The following NRXN3 variants were observed in gnomAD, a reference collection of about 807,000 sequenced individuals.
NRXN3 encodes neurexin III.
Under a neutral mutation model 137.6 loss-of-function variants are expected in NRXN3, and 32 were observed. The ratio of observed to expected loss-of-function variants is 0.23; its 90% CI spans 0.18 to 0.31. The LOEUF (loss-of-function observed/expected upper bound fraction) is 0.31. Among genes scored for constraint, NRXN3 ranks in the 10% least tolerant of loss-of-function variants. NRXN3 has a pLI of 1.00. For synonymous variants in NRXN3, 798 were observed against 784.5 expected (o/e 1.02, Z -0.29); for missense variants, 1,574 against 2,062.5 (o/e 0.76, Z 4.59).
chr14:79,569,781 G>C (rs2097582678), intron 16 of NRXN3, among the ~76,000 whole-genome samples: 1 of 151,998 alleles, frequency 6.6e-6, no homozygotes, highest in Non-Finnish European at 1.5e-5. Context: ...GCTAATTTTT[G>C]TATTTTTTGT....
At chr14:78,183,450 C>T (rs920865854) in intron 1 of NRXN3, among the ~76,000 whole-genome samples, 33 of 152,140 alleles carry the variant, frequency 2.2e-4, no homozygotes, top group African/African-American at 6.8e-4. Flanking sequence ...GGAAGAAGTA[C>T]AGGGACTTAG....
At chr14:78,643,079 G>T (rs191296539) in intron 4 of NRXN3, among the ~76,000 whole-genome samples, 243 of 152,314 alleles carry the variant, frequency 1.6e-3, no homozygotes, top group African/African-American at 5.6e-3. Flanking sequence ...AGCTGAGGCT[G>T]ATGTTTTAAT....
chr14:78,917,311 A>T (rs1313410155), intron 10 of NRXN3, among the ~76,000 whole-genome samples: 2 of 152,184 alleles, frequency 1.3e-5, no homozygotes, highest in Non-Finnish European at 2.9e-5. Flanking sequence ...TTACTTCAGG[A>T]GGGATGGTAG....
intron 1 of NRXN3, among the ~76,000 whole-genome samples, chr14:78,178,871 C>A (rs2059514981): frequency 1.3e-5 from 2 of 152,268 alleles, no homozygotes; most frequent in South Asian, 4.1e-4. Context: ...GGAATTGGAT[C>A]ATCTAAAACT....
chr14:79,358,380 C>T (rs1341880953), intron 15 of NRXN3, among the ~76,000 whole-genome samples: 1 of 151,406 alleles, frequency 6.6e-6, no homozygotes, highest in Admixed American at 6.6e-5. Flanking sequence ...ACTATCCTGG[C>T]TAACATGGTG....
chr14:79,166,327 A>G (rs1482922621), intron 15 of NRXN3, among the ~76,000 whole-genome samples: 1 of 151,770 alleles, frequency 6.6e-6, no homozygotes, highest in Non-Finnish European at 1.5e-5. Flanking sequence ...TTAATCACTG[A>G]CACATCCATC....
intron 16 of NRXN3, among the ~76,000 whole-genome samples, chr14:79,544,514 T>G (rs1026725306): frequency 2.6e-5 from 4 of 152,190 alleles, no homozygotes; most frequent in Non-Finnish European, 5.9e-5. Context: ...ATGCCATTTC[T>G]GTTGGATGAG....
intron 16 of NRXN3, among the ~76,000 whole-genome samples, chr14:79,640,527 T>A (rs948589964): frequency 7.4e-6 from 1 of 135,792 alleles, no homozygotes; most frequent in African/African-American, 2.5e-5. Context: ...TGCTTAAGTT[T>A]TAAAGATTTG....
At chr14:78,505,190 GTTT>G in intron 4 of NRXN3, among the ~76,000 whole-genome samples, 1 of 149,418 alleles carries the variant, frequency 6.7e-6, no homozygotes, top group South Asian at 2.1e-4. Flanking sequence ...ACCTAGGAAG[GTTT>G]TTTTTTTAAG....
At chr14:79,507,786 A>T (rs2096892298) in intron 16 of NRXN3, among the ~76,000 whole-genome samples, 1 of 152,154 alleles carries the variant, frequency 6.6e-6, no homozygotes, top group African/African-American at 2.4e-5. Context: ...TCTCAACTTG[A>T]CTATTATACC....
At position 78,243,071 on chromosome 14, in the gene NRXN3, C is replaced by T. The variant is rs112325856; in HGVS notation, c.-23C>T. The T allele has an allele frequency of 4.6e-5, 68 of 1,481,124 alleles. 1 individual carries two copies. In the African/African-American group the frequency reaches 5.7e-4, roughly 12 times the overall value. 91.7% of individuals were successfully genotyped at this position (1,481,124 alleles called of 1,614,324 possible). A position where few individuals can be genotyped will look rare whatever the true frequency, so the allele number is the denominator to read the frequency against. On this transcript the variant is annotated 5_prime_UTR_variant, in exon 2 of 21. Transcript: ENST00000335750. This position sits in a 1 kb window ranked among gnomAD's most constrained non-coding sequence, Gnocchi z 4.2. ...CTGTTCCCTGGCCTGTCTGCTCCTC[C>T]GGGCTCTGTCCCAGCAGCGACAATG...
At chr14:78,277,589 C>G (rs1457661997) in intron 2 of NRXN3, among the ~76,000 whole-genome samples, 1 of 152,158 alleles carries the variant, frequency 6.6e-6, no homozygotes, top group East Asian at 1.9e-4. Context: ...TACTCCAGAT[C>G]CACCATTCAG....
At chr14:79,003,697 G>A (rs2099546374) in intron 15 of NRXN3, among the ~76,000 whole-genome samples, 1 of 152,154 alleles carries the variant, frequency 6.6e-6, no homozygotes, top group African/African-American at 2.4e-5. Flanking sequence ...GGAGATGATT[G>A]CAGATCACTC....
chr14:78,278,849 A>T (rs1294671589), intron 3 of NRXN3, among the ~76,000 whole-genome samples, 187 bp downstream of exon 3: 1 of 152,248 alleles, frequency 6.6e-6, no homozygotes, highest in Non-Finnish European at 1.5e-5. Flanking sequence ...ACCATTTTAA[A>T]GCCAAAGGAA....
intron 10 of NRXN3, among the ~76,000 whole-genome samples, chr14:78,938,092 G>T (rs1164296538): frequency 6.6e-6 from 1 of 152,236 alleles, no homozygotes; most frequent in African/African-American, 2.4e-5. Flanking sequence ...ATTAAATACA[G>T]AAAGGATGAA....
intron 1 of NRXN3, chr14:78,231,398 TGTA>T (rs2065375485): frequency 1.3e-5 from 2 of 152,316 alleles, no homozygotes; most frequent in Admixed American, 6.5e-5. Flanking sequence ...GCACTACTCA[TGTA>T]GTAATGTTGT....
At chr14:78,524,358 A>T (rs897351767) in intron 4 of NRXN3, among the ~76,000 whole-genome samples, 1 of 152,250 alleles carries the variant, frequency 6.6e-6, no homozygotes, top group African/African-American at 2.4e-5. Flanking sequence ...GCAAGAAGTC[A>T]TTCTATAGCA....
intron 15 of NRXN3, among the ~76,000 whole-genome samples, chr14:79,351,759 A>C (rs1170351982): frequency 6.6e-6 from 1 of 152,222 alleles, no homozygotes; most frequent in Non-Finnish European, 1.5e-5. Context: ...GTTATAGTAA[A>C]AGCACCCATC....
intron 4 of NRXN3, among the ~76,000 whole-genome samples, chr14:78,541,543 T>C (rs2096589486): frequency 6.6e-6 from 1 of 152,214 alleles, no homozygotes; most frequent in Admixed American, 6.5e-5. Flanking sequence ...CTTAGCTTCC[T>C]TGCGATGGGT....
Sources: gnomAD v4.1 joint callset for allele counts (sites outside exome capture counted in the v4.1 genomes callset) on GRCh38, gnomAD v4.1.1 for gene constraint, Gnocchi (gnomAD v3.1) non-coding constraint, MANE v1.5 for transcripts, NCBI Gene and HGNC (gene_info 2026-07-23, HGNC 2026-07-21) for gene names.